The following KAT2B variants were observed in gnomAD, a reference collection of about 807,000 sequenced individuals.
KAT2B encodes the protein lysine acetyltransferase 2B.
KAT2B carries 36 observed loss-of-function variants against 105.9 expected under a neutral mutation model. The ratio of observed to expected loss-of-function variants is 0.34; its 90% CI spans 0.26 to 0.45. KAT2B has a LOEUF of 0.45. Ranked by LOEUF, KAT2B falls within the 20% of genes least tolerant of loss-of-function variation. KAT2B has a pLI of 1.00. For missense variants in KAT2B, 820 were observed against 1,021.6 expected (o/e 0.80, Z 2.69); for synonymous variants, 397 against 377.9 (o/e 1.05, Z -0.59).
chr3:20,107,548 C>G (rs1351375792), intron 5 of KAT2B, among the ~76,000 whole-genome samples: 2 of 148,688 alleles, frequency 1.3e-5, no homozygotes, highest in African/African-American at 4.9e-5. Flanking sequence ...ATCCCAGCTA[C>G]TTGGGAGGCT....
chr3:20,061,040 TAAG>T (rs1698091317), intron 1 of KAT2B, among the ~76,000 whole-genome samples: 1 of 152,202 alleles, frequency 6.6e-6, no homozygotes, highest in African/African-American at 2.4e-5. Flanking sequence ...TCATTGGTAT[TAAG>T]AAATTCACAT....
chr3:20,076,329 A>T (rs993352974), intron 2 of KAT2B, among the ~76,000 whole-genome samples: 1 of 152,172 alleles, frequency 6.6e-6, no homozygotes, highest in African/African-American at 2.4e-5. Flanking sequence ...TATTTAAAAA[A>T]TATTTCCCCC....
At chr3:20,134,309 C>T (rs141323455) in intron 11 of KAT2B, among the ~76,000 whole-genome samples, 273 of 152,304 alleles carry the variant, frequency 1.8e-3, no homozygotes, top group African/African-American at 6.4e-3. Context: ...TCTTTTAAGG[C>T]CTAGCTTAAA....
At chr3:20,148,165 G>C (rs569220495) in intron 15 of KAT2B, 78 bp from the exon 16 acceptor site, 4 of 1,419,142 alleles carry the variant, frequency 2.8e-6, no homozygotes, top group South Asian at 1.2e-5. Flanking sequence ...GTTTTTGTAA[G>C]AATGAGCTGA....
intron 9 of KAT2B, among the ~76,000 whole-genome samples, chr3:20,124,224 A>G (rs1000042938): frequency 6.6e-6 from 1 of 152,260 alleles, no homozygotes; most frequent in Admixed American, 6.5e-5. Flanking sequence ...GATTTGTACT[A>G]GTCTATTGCA....
chr3:20,047,079 C>T lies in KAT2B; in HGVS notation c.303+6299C>T, dbSNP rs376888447. Among the ~76,000 whole-genome samples, 111 of 151,914 alleles carry T rather than the reference C, an allele frequency of 7.3e-4. 1 individual carries two copies. Among genetic ancestry groups the T allele is most frequent in the African/African-American group, 2.6e-3 (108 of 41,458 alleles). ...CATCAATGGTTTTTGTTTTGCCCCC[C>T]CCTTTTTTTTTTCTGAGGCTTTTTT... On this transcript the variant is annotated intron_variant, in intron 1 of 17. Transcript: ENST00000263754.
intron 1 of KAT2B, among the ~76,000 whole-genome samples, chr3:20,061,943 TATATA>T (rs2125172459): frequency 8.5e-6 from 1 of 117,004 alleles, no homozygotes; most frequent in African/African-American, 3.4e-5. Flanking sequence ...TAAAACATAA[TATATA>T]TTATATATAA....
At chr3:20,073,728 A>AG (rs1698368261) in intron 2 of KAT2B, among the ~76,000 whole-genome samples, 1 of 142,658 alleles carries the variant, frequency 7.0e-6, no homozygotes, top group African/African-American at 2.6e-5. Flanking sequence ...AAATAAATAA[A>AG]TAAAACAGAA....
At position 20,111,684 on chromosome 3, in the gene KAT2B, T is replaced by C; in HGVS notation, c.940T>C (p.Ser314Pro). 4 of 1,614,082 alleles carry C rather than the reference T, an allele frequency of 2.5e-6. No homozygotes were observed. The highest frequency in any genetic ancestry group is 2.5e-6 in the Non-Finnish European group (3 of 1,179,958). Reference protein sequence around the residue: ...TQVFGRTLLRSVFTVMRRQLL... With the variant: ...TQVFGRTLLRPVFTVMRRQLL... ...GGTGTTTGGGAGAACATTGCTTCGC[T>C]CGGTCTTCACTGTTATGAGGCGACA... The change falls in exon 6 of 18, where the codon TCG becomes CCG. Residue 314 changes from serine (S) to proline (P), a missense_variant. Transcript: ENST00000263754.
chr3:20,071,325 T>C (rs562537721), intron 1 of KAT2B, among the ~76,000 whole-genome samples: 2 of 152,336 alleles, frequency 1.3e-5, no homozygotes, highest in Admixed American at 1.3e-4. Context: ...TTCATCTGTG[T>C]TACATGTTAT....
chr3:20,064,121 A>G (rs539507747), intron 1 of KAT2B, among the ~76,000 whole-genome samples: 2 of 152,338 alleles, frequency 1.3e-5, no homozygotes, highest in Non-Finnish European at 2.9e-5. Flanking sequence ...ACCTTGTTAC[A>G]TCCCACAAAC....
chr3:20,076,824 T>C (rs1284157431), intron 2 of KAT2B, among the ~76,000 whole-genome samples: 2 of 152,222 alleles, frequency 1.3e-5, no homozygotes, highest in East Asian at 3.8e-4. Context: ...TACATTTCAG[T>C]TGGTATACAT....
intron 9 of KAT2B, among the ~76,000 whole-genome samples, chr3:20,123,216 A>G (rs978495822): frequency 6.6e-6 from 1 of 152,096 alleles, no homozygotes; most frequent in African/African-American, 2.4e-5. Context: ...CCCACTCCCC[A>G]TGAACCATTT....
At chr3:20,091,299 C>T (rs1698714256) in intron 2 of KAT2B, among the ~76,000 whole-genome samples, 1 of 152,084 alleles carries the variant, frequency 6.6e-6, no homozygotes, top group Non-Finnish European at 1.5e-5. Flanking sequence ...CATAACTGTT[C>T]ATCATAATCT....
At chr3:20,101,909 T>A (rs942739774) in intron 5 of KAT2B, among the ~76,000 whole-genome samples, 3 of 152,226 alleles carry the variant, frequency 2.0e-5, no homozygotes, top group Non-Finnish European at 4.4e-5. Context: ...AAAATCCATA[T>A]GTGGCTTGTG....
intron 12 of KAT2B, chr3:20,137,687 A>G (rs1313008843): frequency 6.5e-6 from 1 of 153,538 alleles, no homozygotes; most frequent in Non-Finnish European, 1.5e-5. Flanking sequence ...CACCCAGCTA[A>G]TTTTTTGTAT....
At chr3:20,075,563 G>C (rs1205457478) in intron 2 of KAT2B, among the ~76,000 whole-genome samples, 1 of 152,118 alleles carries the variant, frequency 6.6e-6, no homozygotes, top group Non-Finnish European at 1.5e-5. Context: ...CTATAAATCA[G>C]GGTTCCCATC....
At chr3:20,041,487 G>C (rs1697718586) in intron 1 of KAT2B, among the ~76,000 whole-genome samples, 1 of 152,206 alleles carries the variant, frequency 6.6e-6, no homozygotes, top group Non-Finnish European at 1.5e-5. Flanking sequence ...CGCGGCGGGC[G>C]CTACTGCTCA....
chr3:20,055,198 G>A (rs1200811914), intron 1 of KAT2B, among the ~76,000 whole-genome samples: 1 of 152,084 alleles, frequency 6.6e-6, no homozygotes, highest in Non-Finnish European at 1.5e-5. Flanking sequence ...GTGACTATGG[G>A]GAGGTTACTT....
Sources: allele counts gnomAD v4.1 joint callset (sites outside exome capture counted in the v4.1 genomes callset), GRCh38; gene constraint gnomAD v4.1.1; transcripts MANE v1.5; gene names NCBI Gene and HGNC (gene_info 2026-07-23, HGNC 2026-07-21).